NPHP3: variants seen among roughly 807,000 people sequenced by gnomAD.
NPHP3 encodes the protein nephrocystin 3.
NPHP3 carries 123 observed loss-of-function variants against 171.9 expected under a neutral mutation model. The observed-to-expected ratio is 0.72, with a 90% confidence interval of 0.62 to 0.83. The LOEUF (loss-of-function observed/expected upper bound fraction) is 0.83. NPHP3 is among the 40% of genes least tolerant of loss of function. NPHP3 has a pLI of 0.00. For missense variants in NPHP3, 1,506 were observed against 1,591.9 expected, an observed-to-expected ratio of 0.95 and a Z score of 0.92; for synonymous variants, 558 against 579.2, an observed-to-expected ratio of 0.96 and a Z score of 0.52.
At position 132,698,892 on chromosome 3, in the gene NPHP3, C is replaced by G. The variant is rs142240712; in HGVS notation, c.1985+461G>C. 2.3e-3 allele frequency among the ~76,000 whole-genome samples: 354 copies of G among 152,154 alleles called. 2 individuals carry two copies. The highest frequency in any genetic ancestry group is 7.8e-3 in the African/African-American group (324 of 41,550). On this transcript the variant is annotated intron_variant, in intron 13 of 26. Coordinates refer to ENST00000337331, the MANE Select transcript of NPHP3 (RefSeq NM_153240.5). ...CATCCCAGATCTATCTAACCTCCCC[C>G]CAAATCCCTTTTTTTTTGGAGACAG...
rs138896964 is a variant in NPHP3, at chr3:132,691,853, G to A, written c.2476-567C>T. 5.0e-3 allele frequency among the ~76,000 whole-genome samples: 761 copies of A among 152,230 alleles called. 5 individuals carry two copies. Among genetic ancestry groups the A allele is most frequent in the Admixed American group, 8.8e-3 (135 of 15,284 alleles). On this transcript the variant is annotated intron_variant, in intron 17 of 26. Coordinates refer to ENST00000337331, the MANE Select transcript of NPHP3 (RefSeq NM_153240.5). Reference sequence around the variant, plus strand: ...CCCCTTTCATAAACTGCCAAAGTCCGCCTGGGGCTTAGATCTTGCCCAAGT... The same window carrying A: ...CCCCTTTCATAAACTGCCAAAGTCCACCTGGGGCTTAGATCTTGCCCAAGT...
At position 132,722,125 on chromosome 3, in the gene NPHP3, A is replaced by G; in HGVS notation, c.231T>C (p.Thr77=). 1.2e-6 allele frequency: 2 copies of G among 1,605,790 alleles called. No individual in the cohort carries two copies. Among genetic ancestry groups the G allele is most frequent in the South Asian group, 1.1e-5 (1 of 90,956 alleles). Reference sequence around the variant, plus strand: ...ACTCCAGCTCTGGCACCGACGAGCCAGTGGACTTGAAGCTGGCCCCCAGCA... The same window carrying G: ...ACTCCAGCTCTGGCACCGACGAGCCGGTGGACTTGAAGCTGGCCCCCAGCA... ...GGLLGASFKS[T]GSSVPELEYA... Residue 77 remains threonine (T), a synonymous_variant, in exon 1 of 27, where the codon ACT becomes ACC. Coordinates refer to ENST00000337331, the MANE Select transcript of NPHP3 (RefSeq NM_153240.5).
At chr3:132,714,986 T>C (rs1940011117) in intron 5 of NPHP3, 99 bp downstream of exon 5, 6 of 973,768 alleles carry the variant, frequency 6.2e-6, no homozygotes, top group Non-Finnish European at 9.5e-6. Flanking sequence ...TATAATCTAG[T>C]AGGAAACTAT....
chr3:132,685,005 G>A, intron 23 of NPHP3: 1 of 549,998 alleles, frequency 1.8e-6, no homozygotes, highest in Non-Finnish European at 3.2e-6. Context: ...ATGTGTGGAT[G>A]ATTGCCTCAA....
chr3:132,703,853 T>C (rs185361664), intron 9 of NPHP3, among the ~76,000 whole-genome samples: 37 of 152,340 alleles, frequency 2.4e-4, no homozygotes, highest in Non-Finnish European at 1.3e-4. Flanking sequence ...AGTGTTGAGA[T>C]TACATGCGTG....
Position 132,704,316 on chromosome 3 carries a change from T to C in NPHP3, c.1406A>G (p.Asp469Gly). The change falls in exon 9 of 27, where the codon GAT (aspartate) becomes GGT (glycine). Residue 469 changes from aspartate to glycine, a missense_variant. Transcript: ENST00000337331. ...DLETKDLGSE[D>G]SIPEEDDFGD... ...AAAATCATCTTCTTCTGGAATGGAATCCTCACTGCCCAAATCCTTAGTCTC... is the reference window on the plus strand; with the variant it reads ...AAAATCATCTTCTTCTGGAATGGAACCCTCACTGCCCAAATCCTTAGTCTC... 6.2e-7 allele frequency: 1 copy of C among 1,614,210 alleles called. No individual in the cohort carries two copies. The highest frequency in any genetic ancestry group is 8.5e-7 in the Non-Finnish European group (1 of 1,180,036).
chr3:132,684,984 G>C (rs931507407), intron 23 of NPHP3, 190 bp from the exon 24 acceptor site: 1 of 619,406 alleles, frequency 1.6e-6, no homozygotes, highest in Non-Finnish European at 2.8e-6. Context: ...CTGACAGTTT[G>C]AGGGCCTAAA....
At chr3:132,704,166 A>C (rs372492436) in intron 9 of NPHP3, 32 bp downstream of exon 9, 50 of 1,597,326 alleles carry the variant, frequency 3.1e-5, no homozygotes, top group Non-Finnish European at 4.1e-5. Context: ...GTGGTGACAG[A>C]TCTTTGTTGC....
chr3:132,711,210 T>C (rs1413633037), intron 6 of NPHP3, among the ~76,000 whole-genome samples: 1 of 152,160 alleles, frequency 6.6e-6, no homozygotes, highest in African/African-American at 2.4e-5. Flanking sequence ...ACAGCCCTTG[T>C]TTGTGGTGTG....
At chr3:132,699,195 T>C (rs1939537790) in intron 13 of NPHP3, among the ~76,000 whole-genome samples, 158 bp downstream of exon 13, 1 of 152,190 alleles carries the variant, frequency 6.6e-6, no homozygotes, top group South Asian at 2.1e-4. Flanking sequence ...TACAATTCTA[T>C]AGATTGTATT....
intron 15 of NPHP3, among the ~76,000 whole-genome samples, chr3:132,695,982 G>A (rs958473971): frequency 2.6e-5 from 4 of 152,090 alleles, no homozygotes; most frequent in African/African-American, 9.7e-5. Context: ...TAAAGTTTCA[G>A]AAGATTTTTT....
At chr3:132,715,494 A>C (rs1010200721) in intron 4 of NPHP3, among the ~76,000 whole-genome samples, 3 of 152,240 alleles carry the variant, frequency 2.0e-5, no homozygotes, top group Non-Finnish European at 4.4e-5. Flanking sequence ...GAGTTACTCA[A>C]TTAGTTGGTT....
intron 9 of NPHP3, among the ~76,000 whole-genome samples, chr3:132,703,923 C>T (rs548451567): frequency 6.6e-6 from 1 of 152,254 alleles, no homozygotes; most frequent in South Asian, 2.1e-4. Context: ...TATCCTAATC[C>T]TGGTCTGAGT....
chr3:132,693,965 T>C (rs978000776), intron 16 of NPHP3: 3 of 152,090 alleles, frequency 2.0e-5, no homozygotes, highest in Non-Finnish European at 4.4e-5. Context: ...TTATTTTAAT[T>C]ACATAGCACT....
intron 6 of NPHP3, among the ~76,000 whole-genome samples, chr3:132,708,637 A>C (rs988789206): frequency 2.0e-5 from 3 of 152,176 alleles, no homozygotes; most frequent in Admixed American, 6.5e-5. Flanking sequence ...AAAAATGTAT[A>C]ATTTCCATGT....
At chr3:132,721,607 A>C in intron 1 of NPHP3, 1 of 393,342 alleles carries the variant, frequency 2.5e-6, no homozygotes, top group East Asian at 6.2e-5. Flanking sequence ...CTTTCCGGCT[A>C]ATTTCTTCTA....
chr3:132,714,430 G>A (rs531459164), intron 5 of NPHP3, among the ~76,000 whole-genome samples: 68 of 151,980 alleles, frequency 4.5e-4, no homozygotes, highest in African/African-American at 1.5e-3. Flanking sequence ...CAGACTCAAG[G>A]ATAGAGCTGG....
chr3:132,687,274 T>C (rs1939186654), intron 21 of NPHP3, 48 bp from the exon 22 acceptor site: 1 of 841,994 alleles, frequency 1.2e-6, no homozygotes, highest in Non-Finnish European at 2.0e-6. Flanking sequence ...ATATTCAAAG[T>C]ATACTTCAGT....
Position 132,722,277 on chromosome 3 carries a change from C to G in NPHP3, c.79G>C (p.Ala27Pro). ...EDTYGAGGGE[A>P]CEIPVEVKPK... ...TTCACCTCCACCGGGATCTCGCAGG[C>G]CTCGCCGCCGCCCGCCCCGTACGTG... Residue 27 changes from alanine (A) to proline (P), a missense_variant, in exon 1 of 27, where the codon GCC becomes CCC. Ala to Pro is a conservative substitution (Grantham distance 27, BLOSUM62 -1). Coordinates refer to ENST00000337331, the MANE Select transcript of NPHP3 (RefSeq NM_153240.5). 6.3e-7 allele frequency: 1 copy of G among 1,578,092 alleles called. No individual in the cohort carries two copies. Among genetic ancestry groups the G allele is most frequent in the Non-Finnish European group, 8.5e-7 (1 of 1,171,202 alleles).
Sources: allele counts gnomAD v4.1 joint callset (sites outside exome capture counted in the v4.1 genomes callset), GRCh38; gene constraint gnomAD v4.1.1; transcripts MANE v1.5; gene names NCBI Gene and HGNC (gene_info 2026-07-23, HGNC 2026-07-21).